Variants in ZNF804A observed in about 807,000 individuals in gnomAD.
The protein encoded by ZNF804A is zinc finger protein 804A.
In ZNF804A, 2 loss-of-function variants were observed where a neutral mutation model predicts 16.5. The ratio of observed to expected loss-of-function variants is 0.12; its 90% CI spans 0.05 to 0.38. ZNF804A has a LOEUF of 0.38. ZNF804A is among the 10% of genes least tolerant of loss of function. ZNF804A has a pLI of 0.99. For missense variants in ZNF804A, 1,473 were observed against 1,390.7 expected (o/e 1.06, Z -0.94); for synonymous variants, 534 against 489.6 (o/e 1.09, Z -1.20).
At chr2:184,882,866 A>G (rs931518414) in intron 2 of ZNF804A, among the ~76,000 whole-genome samples, 3 of 152,086 alleles carry the variant, frequency 2.0e-5, no homozygotes, top group African/African-American at 4.8e-5. Flanking sequence ...TAATGTCACA[A>G]CTAAAGGAAC....
At chr2:184,742,105 T>C (rs1003592116) in intron 1 of ZNF804A, among the ~76,000 whole-genome samples, 22 of 152,050 alleles carry the variant, frequency 1.4e-4, no homozygotes, top group South Asian at 8.3e-4. Flanking sequence ...TTGGTGTAAG[T>C]GTAAGGTACC....
chr2:184,900,830 G>T (rs192164030), intron 2 of ZNF804A, among the ~76,000 whole-genome samples: 9 of 152,170 alleles, frequency 5.9e-5, no homozygotes, highest in Non-Finnish European at 5.9e-5. Flanking sequence ...TGCTCCCAAG[G>T]GGGGTAATAC....
rs1466866494 is a variant in ZNF804A, at chr2:184,938,618, C to T, written c.3222C>T (p.Leu1074=). 1 of 1,614,024 alleles carries T rather than the reference C, an allele frequency of 6.2e-7. No homozygotes were observed. Among genetic ancestry groups the T allele is most frequent in the Non-Finnish European group, 8.5e-7 (1 of 1,179,978 alleles). Residue 1074 remains leucine, a synonymous_variant, in exon 4 of 4, where the codon CTC becomes CTT. Coordinates refer to ENST00000302277, the MANE Select transcript of ZNF804A (RefSeq NM_194250.2). ...KVKFTFPPAA[L]PPPSTPLQPL... is the part of the protein sequence containing the mutation. ...AATTTACCTTTCCTCCAGCTGCCCT[C>T]CCACCCCCTAGCACACCTCTGCAGC... is the stretch of plus-strand genomic sequence containing the variant.
At chr2:184,792,043 G>A (rs1574214518) in intron 1 of ZNF804A, among the ~76,000 whole-genome samples, 1 of 152,048 alleles carries the variant, frequency 6.6e-6, no homozygotes, top group African/African-American at 2.4e-5. Context: ...TTGTCTAAAT[G>A]TACAACAGTT....
intron 1 of ZNF804A, among the ~76,000 whole-genome samples, chr2:184,791,196 G>C (rs1172703981): frequency 6.6e-6 from 1 of 152,120 alleles, no homozygotes; most frequent in Non-Finnish European, 1.5e-5. Context: ...TGATATGTGA[G>C]ATTTTGTTAC....
intron 1 of ZNF804A, among the ~76,000 whole-genome samples, chr2:184,813,183 G>A (rs1055778818): frequency 6.6e-6 from 1 of 151,880 alleles, no homozygotes; most frequent in Non-Finnish European, 1.5e-5. Flanking sequence ...ATACAAAGTG[G>A]TTTAAAATTG....
chr2:184,743,633 A>G (rs1238583962), intron 1 of ZNF804A, among the ~76,000 whole-genome samples: 1 of 151,964 alleles, frequency 6.6e-6, no homozygotes, highest in African/African-American at 2.4e-5. Context: ...AGTAGGCTCA[A>G]TAAATATCAA....
intron 1 of ZNF804A, among the ~76,000 whole-genome samples, chr2:184,661,953 G>A (rs1692181515): frequency 6.6e-6 from 1 of 152,142 alleles, no homozygotes; most frequent in South Asian, 2.1e-4. Flanking sequence ...TAAGCCTGCT[G>A]GATTTTCTTT....
intron 1 of ZNF804A, among the ~76,000 whole-genome samples, chr2:184,750,583 TA>T (rs1270122540): frequency 6.6e-6 from 1 of 151,348 alleles, no homozygotes; most frequent in African/African-American, 2.4e-5. Context: ...GAGCTAAGTA[TA>T]TACCTGTAAA....
At chr2:184,900,417 T>G (rs1456964100) in intron 2 of ZNF804A, among the ~76,000 whole-genome samples, 1 of 152,142 alleles carries the variant, frequency 6.6e-6, no homozygotes, top group Non-Finnish European at 1.5e-5. Flanking sequence ...TAAATCAATC[T>G]AGTCATATTC....
chr2:184,761,977 A>G (rs1317909710), intron 1 of ZNF804A, among the ~76,000 whole-genome samples: 2 of 152,102 alleles, frequency 1.3e-5, no homozygotes, highest in Non-Finnish European at 2.9e-5. Flanking sequence ...TTCCAACCCA[A>G]TGGAAGCATA....
At chr2:184,868,078 G>A (rs1331563842) in intron 2 of ZNF804A, among the ~76,000 whole-genome samples, 6 of 152,018 alleles carry the variant, frequency 3.9e-5, no homozygotes, top group African/African-American at 1.4e-4. Flanking sequence ...ATACAGAGAA[G>A]TTAAAGGGAA....
intron 1 of ZNF804A, among the ~76,000 whole-genome samples, chr2:184,600,614 C>A (rs113222766): frequency 2.0e-5 from 3 of 151,954 alleles, no homozygotes; most frequent in Admixed American, 6.6e-5. Context: ...ATTTAACTTA[C>A]GGTTAAAGGC....
chr2:184,665,856 T>C (rs1010406904), intron 1 of ZNF804A, among the ~76,000 whole-genome samples: 1 of 152,202 alleles, frequency 6.6e-6, no homozygotes. Flanking sequence ...TGAGTCCCTC[T>C]TGTACTTTGA....
At chr2:184,852,785 C>G (rs1695626894) in intron 1 of ZNF804A, among the ~76,000 whole-genome samples, 1 of 151,628 alleles carries the variant, frequency 6.6e-6, no homozygotes, top group Non-Finnish European at 1.5e-5. Context: ...TCTGAACTCT[C>G]CATTCTGATC....
intron 1 of ZNF804A, among the ~76,000 whole-genome samples, chr2:184,777,093 C>G (rs1694300930): frequency 6.6e-6 from 1 of 151,344 alleles, no homozygotes; most frequent in African/African-American, 2.4e-5. Context: ...TTGATGGTTG[C>G]CTCTGTCTTT....
intron 1 of ZNF804A, among the ~76,000 whole-genome samples, chr2:184,775,929 G>A (rs1003824973): frequency 6.6e-6 from 1 of 151,514 alleles, no homozygotes; most frequent in African/African-American, 2.4e-5. Context: ...CTCTAACTAC[G>A]CTCCAGAAGA....
At chr2:184,636,423 C>CTG (rs746003358) in intron 1 of ZNF804A, among the ~76,000 whole-genome samples, 6,551 of 98,974 alleles carry the variant, frequency 0.066, 536 homozygotes, top group African/African-American at 0.088. Flanking sequence ...GGCTCTAGGG[C>CTG]TGTGTGTGTG....
chr2:184,905,049 T>C (rs1294366323), intron 2 of ZNF804A, among the ~76,000 whole-genome samples: 1 of 151,890 alleles, frequency 6.6e-6, no homozygotes, highest in Non-Finnish European at 1.5e-5. Flanking sequence ...CAAGGCACTA[T>C]TTCTATGTTG....
Sources: allele counts gnomAD v4.1 joint callset (sites outside exome capture counted in the v4.1 genomes callset), GRCh38; gene constraint gnomAD v4.1.1; transcripts MANE v1.5; gene names NCBI Gene and HGNC (gene_info 2026-07-23, HGNC 2026-07-21).